Variants in SPTBN5 observed in about 807,000 individuals in gnomAD.
SPTBN5 encodes spectrin beta chain, non-erythrocytic 5.
Under a neutral mutation model 477.6 loss-of-function variants are expected in SPTBN5, and 513 were observed. The observed-to-expected ratio is 1.07, with a 90% confidence interval of 1.00 to 1.16. The LOEUF is 1.16. SPTBN5 is among the 50% of genes most tolerant of loss of function. The pLI, the probability that SPTBN5 is intolerant of heterozygous loss-of-function variation, is 0.00. For synonymous variants in SPTBN5, 2,169 were observed against 2,011.7 expected, an observed-to-expected ratio of 1.08 and a Z score of -2.09; for missense variants, 5,062 against 4,731.8, an observed-to-expected ratio of 1.07 and a Z score of -2.05.
In SPTBN5 at chr15:41,855,124, A is replaced by G. The variant is rs970405457; in HGVS notation, c.9423+100T>C. Reference sequence around the variant, plus strand: ...GGATCCTCCCTAGGACACCCTCTCCAGGCTCCTTTCTGCTGACTCCCCAGC... The same window carrying G: ...GGATCCTCCCTAGGACACCCTCTCCGGGCTCCTTTCTGCTGACTCCCCAGC... On this transcript the variant is annotated intron_variant, in intron 55 of 67. Transcript: ENST00000320955. 16 of 1,456,260 alleles carry G rather than the reference A, an allele frequency of 1.1e-5. No individual in the cohort carries two copies. The African/African-American group carries it at 1.7e-4, about 15-fold the overall frequency. The allele number at this position is 1,456,260 out of a possible 1,614,324, so 90.2% of individuals were successfully genotyped here. A position where few individuals can be genotyped will look rare whatever the true frequency, so the allele number is the denominator to read the frequency against.
chr15:41,860,562 C>T, intron 47 of SPTBN5, 24 bp downstream of exon 47: 4 of 1,373,744 alleles, frequency 2.9e-6, no homozygotes, highest in Non-Finnish European at 3.8e-6. Flanking sequence ...CCCACAGCAC[C>T]CCTCACCCCA....
chr15:41,860,854 A>G (rs981003205), intron 46 of SPTBN5, 96 bp from the exon 47 acceptor site: 2 of 1,238,742 alleles, frequency 1.6e-6, no homozygotes, highest in Non-Finnish European at 2.1e-6. Flanking sequence ...CCAAATGCTC[A>G]TCCACAGAGC....
chr15:41,882,594 C>A lies in SPTBN5; in HGVS notation c.2037G>T (p.Gln679His). 1 of 1,601,528 alleles carries A rather than the reference C, an allele frequency of 6.2e-7. No homozygotes were observed. Among genetic ancestry groups the A allele is most frequent in the Non-Finnish European group, 8.5e-7 (1 of 1,175,438 alleles). The stretch of plus-strand genomic sequence containing the variant: ...CTCGGGGAGCTGACACCTTGTGTTT[C>A]TGCAGGGCGCCTGCGATCTGGCTGA... ...RDLSQIAGAL[Q>H]KHKALEAEVH... Residue 679 changes from glutamine to histidine, a missense_variant, in exon 10 of 68, where the codon CAG becomes CAT. By Grantham distance (24) the Gln-to-His change is conservative. Coordinates refer to ENST00000320955, the MANE Select transcript of SPTBN5 (RefSeq NM_016642.4).
Position 41,869,901 on chromosome 15 carries a change from G to C in SPTBN5, c.5793C>G (p.Arg1931=). The C allele has an allele frequency of 6.4e-7, 1 of 1,552,896 alleles. No homozygotes were observed. ...CCAGCTGGGCCCTGCGCTGCTCCAT[G>C]CGTCGCTGCAGCACTGCCCACGCCT... ...VTQAWAVLQR[R]MEQRRAQLER... is the part of the protein sequence containing the mutation. The change falls in exon 32 of 68, where the codon CGC becomes CGG. Residue 1931 remains arginine (R), a synonymous_variant. Transcript: ENST00000320955.
chr15:41,863,841 A>G (rs755804355), intron 40 of SPTBN5, 23 bp from the exon 41 acceptor site: 2 of 1,613,302 alleles, frequency 1.2e-6, no homozygotes, highest in Admixed American at 1.7e-5. Flanking sequence ...TGGTGGTGTC[A>G]TGTGGAGCCT....
In SPTBN5 at chr15:41,851,831, G is replaced by GT; in HGVS notation, c.10603dup (p.Thr3535AsnfsTer20). ...CTTGAACTCCAAAGACCCCTCCATG[G>GT]TGGGGGTACCCTTTGCATCCTGAAA... On this transcript the variant is annotated frameshift_variant, in exon 63 of 68. Coordinates refer to ENST00000320955, the MANE Select transcript of SPTBN5 (RefSeq NM_016642.4). LOFTEE classifies it high-confidence loss of function. 1 of 1,610,720 alleles carries GT rather than the reference G, an allele frequency of 6.2e-7. No individual in the cohort carries two copies. The highest frequency in any genetic ancestry group is 8.5e-7 in the Non-Finnish European group (1 of 1,179,438).
In SPTBN5 at chr15:41,860,597, G is replaced by T. The variant is rs1218098126; in HGVS notation, c.7977C>A (p.Ala2659=). 2.7e-6 allele frequency: 4 copies of T among 1,454,892 alleles called. No homozygotes were observed. The highest frequency in any genetic ancestry group is 3.6e-6 in the Non-Finnish European group (4 of 1,098,566). 90.1% of individuals were successfully genotyped at this position (1,454,892 alleles called of 1,614,324 possible). A position where few individuals can be genotyped will look rare whatever the true frequency, so the allele number is the denominator to read the frequency against. The part of the protein sequence containing the change: ...EAQSALGRCQ[A]MLLRKEALFR... ...AGAGCCACCACTACCTCAGAAGCAT[G>T]GCCTGGCACCTGCCCAGGGCACTCT... Residue 2659 remains alanine (A), a synonymous_variant, in exon 47 of 68, where the codon GCC becomes GCA. Transcript: ENST00000320955.
Position 41,868,417 on chromosome 15 carries a change from G to T in SPTBN5, c.6038C>A (p.Ala2013Glu), listed in dbSNP as rs932657528. The T allele has an allele frequency of 1.2e-6, 2 of 1,604,346 alleles. No individual in the cohort carries two copies. The highest frequency in any genetic ancestry group is 8.5e-7 in the Non-Finnish European group (1 of 1,174,448). ...TQLGQQALLA[A>E]GTPTKEVQEE... ...GCCCACCTCCTTGGTGGGTGTCCCT[G>T]CAGCAAGAAGTGCCTGCTGCCCCAG... The change falls in exon 33 of 68, where the codon GCA becomes GAA. Residue 2013 changes from alanine (A) to glutamate (E), a missense_variant. Physicochemically the swap from Ala to Glu is moderately radical, Grantham distance 107. Transcript: ENST00000320955.
At chr15:41,871,999 T>C in intron 27 of SPTBN5, 82 bp from the exon 28 acceptor site, 1 of 1,430,206 alleles carries the variant, frequency 7.0e-7, no homozygotes, top group South Asian at 1.5e-5. Flanking sequence ...GGGGCCAATC[T>C]GAAAACTGGG....
At position 41,855,644 on chromosome 15, in the gene SPTBN5, C is replaced by T. The variant is rs2065910700; in HGVS notation, c.9123G>A (p.Leu3041=). The change falls in exon 54 of 68, where the codon CTG becomes CTA. Residue 3041 remains leucine (L), a synonymous_variant. Coordinates refer to ENST00000320955, the MANE Select transcript of SPTBN5 (RefSeq NM_016642.4). ...CTTCCAGGTCTCTCTTGGTGGCCTCCAGCCGCCGCAGAAGGGCCTGTGTGG... is the reference window on the plus strand; with the variant it reads ...CTTCCAGGTCTCTCTTGGTGGCCTCTAGCCGCCGCAGAAGGGCCTGTGTGG... The part of the protein sequence containing the change: ...AEATQALLRR[L]EATKRDLEAF... 4 of 1,607,834 alleles carry T rather than the reference C, an allele frequency of 2.5e-6. No homozygotes were observed. Among genetic ancestry groups the T allele is most frequent in the Admixed American group, 1.7e-5 (1 of 59,650 alleles).
chr15:41,882,865 G>C, intron 9 of SPTBN5, 127 bp from the exon 10 acceptor site: 1 of 1,386,802 alleles, frequency 7.2e-7, no homozygotes, highest in African/African-American at 1.4e-5. Context: ...CAACAGGTGA[G>C]ACGGAGGCTT....
At chr15:41,878,684 A>G (rs1293333142) in intron 16 of SPTBN5, 55 bp from the exon 17 acceptor site, 1 of 1,542,524 alleles carries the variant, frequency 6.5e-7, no homozygotes, top group Non-Finnish European at 8.8e-7. Flanking sequence ...CTGGTGCCCC[A>G]GGCACATGTC....
rs1419476040 is a variant in SPTBN5, at chr15:41,852,743, G to A, written c.10348-8C>T. ...CACATCTGACACTGAGTGCTGGGGA[G>A]AAGCATGTTCAGGTGACGCCCAGCT... On this transcript the variant is annotated splice_polypyrimidine_tract_variant and splice_region_variant and intron_variant, in intron 60 of 67. Coordinates refer to ENST00000320955, the MANE Select transcript of SPTBN5 (RefSeq NM_016642.4). 2 of 1,606,642 alleles carry A rather than the reference G, an allele frequency of 1.2e-6. No homozygotes were observed. The highest frequency in any genetic ancestry group is 8.5e-7 in the Non-Finnish European group (1 of 1,174,498).
At chr15:41,849,230 AG>A (rs569249347) in intron 67 of SPTBN5, among the ~76,000 whole-genome samples, 9 of 152,148 alleles carry the variant, frequency 5.9e-5, no homozygotes, top group Non-Finnish European at 1.0e-4. Flanking sequence ...GATGTGGGTG[AG>A]GGGGGTTGAG....
Position 41,876,107 on chromosome 15 carries a change from C to T in SPTBN5, c.4122+7G>A. On this transcript the variant is annotated splice_region_variant and intron_variant, in intron 21 of 67. Transcript: ENST00000320955. ...AGGCTCTGCACCCTCTGTCCCGTGT[C>T]CCCCACCTGCTGCAGGGCCTCCACG... The T allele has an allele frequency of 6.3e-7, 1 of 1,595,318 alleles. No homozygotes were observed. Among genetic ancestry groups the T allele is most frequent in the African/African-American group, 1.3e-5 (1 of 74,952 alleles).
In SPTBN5 at chr15:41,868,128, G is replaced by A; in HGVS notation, c.6148C>T (p.Gln2050Ter). The A allele has an allele frequency of 6.3e-7, 1 of 1,598,246 alleles. No individual in the cohort carries two copies. Among genetic ancestry groups the A allele is most frequent in the Non-Finnish European group, 8.5e-7 (1 of 1,173,912 alleles). The change falls in exon 34 of 68, where the codon CAG becomes TAG. Residue 2050 changes from glutamine to a stop codon, truncating the protein, a stop_gained. Transcript: ENST00000320955. LOFTEE classifies it high-confidence loss of function. ...CACTCTCTGAGGAAGAGCTGCTCCT[G>A]CTGCTCGGCCTGCAGCCTCTCTTGC... The part of the protein sequence containing the change: ...RKQERLQAEQ[Q>*]EQLFLRECGR...
intron 64 of SPTBN5, 50 bp downstream of exon 64, chr15:41,851,233 C>G: frequency 1.9e-6 from 3 of 1,559,668 alleles, no homozygotes; most frequent in Non-Finnish European, 2.6e-6. Context: ...GCCCCTCTGC[C>G]TTGCTTCCCA....
intron 39 of SPTBN5, among the ~76,000 whole-genome samples, chr15:41,864,930 C>T (rs192624630): frequency 9.8e-5 from 15 of 152,328 alleles, no homozygotes; most frequent in South Asian, 8.3e-4. Context: ...TTATAGATGC[C>T]GGAGCAGAGC....
chr15:41,850,511 A>G, intron 66 of SPTBN5: 1 of 315,988 alleles, frequency 3.2e-6, no homozygotes, highest in Admixed American at 4.4e-5. Flanking sequence ...ATCAGACAGA[A>G]CAGAGCCTGG....
Sources: allele counts gnomAD v4.1 joint callset (sites outside exome capture counted in the v4.1 genomes callset), GRCh38; gene constraint gnomAD v4.1.1; transcripts MANE v1.5; gene names NCBI Gene and HGNC (gene_info 2026-07-23, HGNC 2026-07-21).